Variants in SLC10A7 observed in about 807,000 individuals in gnomAD.
SLC10A7 encodes the protein sodium/bile acid cotransporter 7.
SLC10A7 carries 29 observed loss-of-function variants against 43.2 expected under a neutral mutation model. The ratio of observed to expected loss-of-function variants is 0.67; its 90% CI spans 0.50 to 0.92. The LOEUF is 0.92. SLC10A7 is among the 40% of genes least tolerant of loss of function. The pLI is 0.00. For missense variants in SLC10A7, 295 were observed against 403.2 expected (o/e 0.73, Z 2.30); for synonymous variants, 152 against 144.8 (o/e 1.05, Z -0.35).
chr4:146,501,944 A>G (rs1736454372), intron 4 of SLC10A7, among the ~76,000 whole-genome samples: 1 of 152,232 alleles, frequency 6.6e-6, no homozygotes, highest in Non-Finnish European at 1.5e-5. Context: ...TTCAAAAGGC[A>G]CTGGTAAAAA....
Position 146,296,367 on chromosome 4 carries a change from G to T in SLC10A7, c.556-2272C>A, listed in dbSNP as rs140546956. The stretch of plus-strand genomic sequence containing the variant: ...AGATGCAGAACCCACAAATACAAAG[G>T]GCCAACTGTAATTTGATTGAGTTAA... On this transcript the variant is annotated intron_variant, in intron 7 of 11. Coordinates refer to ENST00000335472, the MANE Select transcript of SLC10A7 (RefSeq NM_001029998.6). Among the ~76,000 whole-genome samples, 59 of 152,070 alleles carry T rather than the reference G, an allele frequency of 3.9e-4. 2 individuals are homozygous for T. The highest frequency in any genetic ancestry group is 6.9e-4 in the Non-Finnish European group (47 of 67,962).
chr4:146,444,474 CAAAT>C (rs1332375930), intron 4 of SLC10A7, among the ~76,000 whole-genome samples: 1 of 152,070 alleles, frequency 6.6e-6, no homozygotes, highest in Admixed American at 6.6e-5. Context: ...CTATATATGA[CAAAT>C]AATATCATAC....
intron 7 of SLC10A7, among the ~76,000 whole-genome samples, chr4:146,305,002 T>C (rs1731449138): frequency 6.6e-6 from 1 of 152,006 alleles, no homozygotes; most frequent in Non-Finnish European, 1.5e-5. Context: ...TCAACCATTG[T>C]GGAAGTCAGT....
At chr4:146,392,882 C>T (rs3849034) in intron 5 of SLC10A7, among the ~76,000 whole-genome samples, 85,448 of 151,768 alleles carry the variant, frequency 0.56, 24,509 homozygotes, top group East Asian at 0.78. Context: ...CTACCTCAGC[C>T]TCATCTCAAG....
intron 2 of SLC10A7, among the ~76,000 whole-genome samples, chr4:146,516,571 A>G (rs1304824075): frequency 1.3e-5 from 2 of 151,718 alleles, no homozygotes; most frequent in African/African-American, 4.8e-5. Flanking sequence ...TATTTAATAG[A>G]TATGCTAAGG....
At chr4:146,400,783 G>A (rs746958104) in intron 5 of SLC10A7, among the ~76,000 whole-genome samples, 11 of 151,984 alleles carry the variant, frequency 7.2e-5, no homozygotes, top group African/African-American at 1.7e-4. Context: ...ATAGTGTGTC[G>A]ATAAGGGTTT....
chr4:146,280,155 C>T (rs1045026051), intron 10 of SLC10A7, among the ~76,000 whole-genome samples: 10 of 151,776 alleles, frequency 6.6e-5, no homozygotes, highest in South Asian at 2.1e-4. Context: ...ATGTATTCTA[C>T]GTGAGATGTT....
intron 7 of SLC10A7, among the ~76,000 whole-genome samples, chr4:146,301,428 C>T (rs572701434): frequency 7.9e-5 from 12 of 152,126 alleles, no homozygotes; most frequent in African/African-American, 2.9e-4. Flanking sequence ...CTGTGAAGGG[C>T]TTTGGGGCCA....
At chr4:146,278,970 A>G (rs1729375186) in intron 10 of SLC10A7, among the ~76,000 whole-genome samples, 1 of 152,218 alleles carries the variant, frequency 6.6e-6, no homozygotes, top group African/African-American at 2.4e-5. Flanking sequence ...AATTAAGTAC[A>G]TATAAACAAT....
intron 5 of SLC10A7, among the ~76,000 whole-genome samples, chr4:146,410,972 T>A (rs987110560): frequency 6.6e-6 from 1 of 152,082 alleles, no homozygotes; most frequent in Non-Finnish European, 1.5e-5. Context: ...TAATTGGAAT[T>A]ACATGAGCCA....
intron 6 of SLC10A7, among the ~76,000 whole-genome samples, chr4:146,322,841 G>C (rs1432215654): frequency 1.3e-5 from 2 of 152,176 alleles, no homozygotes; most frequent in South Asian, 4.1e-4. Context: ...CCCACCAACA[G>C]TGTAAAAATG....
At chr4:146,404,850 G>T (rs973174702) in intron 5 of SLC10A7, among the ~76,000 whole-genome samples, 1 of 152,082 alleles carries the variant, frequency 6.6e-6, no homozygotes, top group African/African-American at 2.4e-5. Context: ...AACTAAAGAT[G>T]AAGTCTTTAC....
intron 5 of SLC10A7, among the ~76,000 whole-genome samples, chr4:146,350,760 C>G (rs1261416827): frequency 5.4e-5 from 5 of 92,076 alleles, no homozygotes; most frequent in African/African-American, 3.1e-4. Flanking sequence ...AGGCACCCCC[C>G]AGCAGGGGCA....
intron 4 of SLC10A7, among the ~76,000 whole-genome samples, chr4:146,451,795 C>G (rs751554341): frequency 6.6e-6 from 1 of 152,046 alleles, no homozygotes; most frequent in Non-Finnish European, 1.5e-5. Context: ...CAGCAAAGTT[C>G]TGGCCAATGA....
chr4:146,460,443 G>A (rs925409646), intron 4 of SLC10A7, among the ~76,000 whole-genome samples: 4 of 151,892 alleles, frequency 2.6e-5, no homozygotes, highest in Non-Finnish European at 5.9e-5. Context: ...TCCTTCAAAT[G>A]GTGAATGAAT....
chr4:146,357,884 T>G, intron 5 of SLC10A7, among the ~76,000 whole-genome samples: 1 of 152,124 alleles, frequency 6.6e-6, no homozygotes, highest in African/African-American at 2.4e-5. Context: ...GCAGTTTTCC[T>G]ACAGGTCAAG....
chr4:146,314,396 A>G (rs963846218), intron 6 of SLC10A7, among the ~76,000 whole-genome samples: 7 of 152,198 alleles, frequency 4.6e-5, no homozygotes, highest in Non-Finnish European at 1.0e-4. Context: ...GTATGTATAT[A>G]TTCTGTGTAC....
intron 5 of SLC10A7, among the ~76,000 whole-genome samples, chr4:146,387,338 C>A (rs973257018): frequency 6.6e-6 from 1 of 152,100 alleles, no homozygotes; most frequent in Non-Finnish European, 1.5e-5. Context: ...AAATGTGATT[C>A]GCCACATAAA....
intron 5 of SLC10A7, among the ~76,000 whole-genome samples, chr4:146,415,760 T>C (rs759747386): frequency 2.0e-5 from 3 of 152,228 alleles, no homozygotes; most frequent in Non-Finnish European, 4.4e-5. Context: ...CAGTAAAGTA[T>C]ACTTTGAGTT....
Sources: gnomAD v4.1 joint callset for allele counts (sites outside exome capture counted in the v4.1 genomes callset) on GRCh38, gnomAD v4.1.1 for gene constraint, MANE v1.5 for transcripts, NCBI Gene and HGNC (gene_info 2026-07-23, HGNC 2026-07-21) for gene names.